Variants in RBFOX3 observed in about 807,000 individuals in gnomAD.
RBFOX3 encodes the protein RNA binding protein fox-1 homolog 3.
In RBFOX3, 17 loss-of-function variants were observed where a neutral mutation model predicts 48.7. That is an observed-to-expected ratio of 0.35 (90% CI 0.24 to 0.52). The LOEUF (loss-of-function observed/expected upper bound fraction) is 0.52, where lower values mean the gene tolerates loss of function less well. RBFOX3 is among the 20% of genes least tolerant of loss of function. RBFOX3 has a pLI of 0.94. For missense variants in RBFOX3, 382 were observed against 497.5 expected (o/e 0.77, Z 2.21); for synonymous variants, 212 against 209.5 (o/e 1.01, Z -0.10).
intron 2 of RBFOX3, among the ~76,000 whole-genome samples, chr17:79,352,722 G>C (rs1035103414): frequency 1.3e-5 from 2 of 152,190 alleles, no homozygotes; most frequent in Non-Finnish European, 2.9e-5. Flanking sequence ...GCAAAGAATG[G>C]TGCACAATGA....
At chr17:79,403,035 G>A (rs554130969) in intron 2 of RBFOX3, among the ~76,000 whole-genome samples, 2 of 152,268 alleles carry the variant, frequency 1.3e-5, no homozygotes, top group Admixed American at 6.5e-5. Context: ...CCTCCCACCA[G>A]GCACACTAAC....
chr17:79,560,089 T>C (rs2092109280), intron 1 of RBFOX3, among the ~76,000 whole-genome samples: 1 of 151,414 alleles, frequency 6.6e-6, no homozygotes, highest in Non-Finnish European at 1.5e-5. Context: ...GGATGGATCT[T>C]GTGACACCCC....
At position 79,111,121 on chromosome 17, in the gene RBFOX3, G is replaced by A. The variant is rs1172256577; in HGVS notation, c.223-4333C>T. 6.6e-6 allele frequency among the ~76,000 whole-genome samples: 1 copy of A among 152,234 alleles called. No homozygotes were observed. Among genetic ancestry groups the A allele is most frequent in the Non-Finnish European group, 1.5e-5 (1 of 68,044 alleles). ...GGAGTTTCCGAGGAGGCTCAGGCCC[G>A]ACGGACAGCAGAAAGGACAGAGGTT... On this transcript the variant is annotated intron_variant, in intron 5 of 14. Transcript: ENST00000693108. The surrounding 1 kb of genome is among the most constrained non-coding windows in gnomAD (Gnocchi z 4.2).
intron 14 of RBFOX3, chr17:79,092,647 A>C: frequency 1.0e-6 from 1 of 987,596 alleles, no homozygotes; most frequent in Non-Finnish European, 1.2e-6. Context: ...CTAGCCTGCA[A>C]CATCAAAGAT....
At chr17:79,657,198 C>T in the RBFOX3 span, among the ~76,000 whole-genome samples, 2 of 152,196 alleles carry the variant, frequency 1.3e-5, no homozygotes, top group African/African-American at 4.8e-5. Flanking sequence ...GAAGCAGCCA[C>T]ACGGCAAATG....
At chr17:79,413,150 C>T (rs1472698152) in intron 2 of RBFOX3, among the ~76,000 whole-genome samples, 1 of 152,184 alleles carries the variant, frequency 6.6e-6, no homozygotes, top group Non-Finnish European at 1.5e-5. Context: ...TTCTGAAATG[C>T]AAGAGAGACC....
intron 1 of RBFOX3, among the ~76,000 whole-genome samples, chr17:79,575,623 GTCAC>G (rs1426251079): frequency 1.3e-5 from 2 of 152,230 alleles, no homozygotes; most frequent in Non-Finnish European, 2.9e-5. Flanking sequence ...TTAAGTCCCT[GTCAC>G]TCACCCTTTG....
chr17:79,097,782 CCCGA>C, intron 9 of RBFOX3, 37 bp from the exon 10 acceptor site: 1 of 1,547,818 alleles, frequency 6.5e-7, no homozygotes, highest in East Asian at 2.4e-5. Flanking sequence ...CACTGCCTTC[CCCGA>C]CCCTTTTCCC....
chr17:79,664,153 CACA>C, the RBFOX3 span, among the ~76,000 whole-genome samples: 2 of 149,112 alleles, frequency 1.3e-5, no homozygotes, highest in Non-Finnish European at 3.0e-5. Context: ...TGTGGTAAAA[CACA>C]ACGTTAAATT....
chr17:79,346,453 T>G (rs914347925), intron 2 of RBFOX3, among the ~76,000 whole-genome samples: 1 of 152,200 alleles, frequency 6.6e-6, no homozygotes, highest in Non-Finnish European at 1.5e-5. Context: ...ATCCTGGGAA[T>G]TGATTAATTG....
intron 4 of RBFOX3, among the ~76,000 whole-genome samples, chr17:79,181,308 T>C (rs7225653): frequency 0.21 from 32,403 of 152,218 alleles, 3,612 homozygotes; most frequent in South Asian, 0.32. Flanking sequence ...ATTCCTGCCA[T>C]GCCTGGGTGG....
At position 79,345,961 on chromosome 17, in the gene RBFOX3, C is replaced by T. The variant is rs191763773; in HGVS notation, c.-174-38137G>A. Among the ~76,000 whole-genome samples, 118 of 152,222 alleles carry T rather than the reference C, an allele frequency of 7.8e-4. 1 individual carries two copies. Among genetic ancestry groups the T allele is most frequent in the African/African-American group, 2.7e-3 (113 of 41,522 alleles). The stretch of plus-strand genomic sequence containing the variant: ...TGTTTTTTTGAGATGGAGTCTTTCA[C>T]CCAGGCTGGAATGCAGTGGTGTGAT... On this transcript the variant is annotated intron_variant, in intron 2 of 14. Transcript: ENST00000693108.
intron 4 of RBFOX3, among the ~76,000 whole-genome samples, chr17:79,148,219 T>C (rs981565099): frequency 6.6e-6 from 1 of 152,230 alleles, no homozygotes; most frequent in Non-Finnish European, 1.5e-5. Flanking sequence ...TCCATTCTGG[T>C]TGGAGGACTG....
intron 2 of RBFOX3, among the ~76,000 whole-genome samples, chr17:79,401,541 A>G (rs1450177012): frequency 6.6e-6 from 1 of 152,188 alleles, no homozygotes; most frequent in Non-Finnish European, 1.5e-5. Flanking sequence ...CCCTGCCTTC[A>G]GTGCAGAGGG....
At chr17:79,625,050 C>T in the RBFOX3 span, among the ~76,000 whole-genome samples, 145 of 152,138 alleles carry the variant, frequency 9.5e-4, no homozygotes, top group East Asian at 3.7e-3. Context: ...ACAGTTTATG[C>T]GCTATGACAT....
chr17:79,284,814 A>G (rs2071481725), intron 3 of RBFOX3, among the ~76,000 whole-genome samples: 2 of 152,140 alleles, frequency 1.3e-5, no homozygotes, highest in African/African-American at 4.8e-5. Flanking sequence ...TGCTGGGATT[A>G]CAGGGGTGAG....
chr17:79,225,075 C>A (rs1482350699), intron 4 of RBFOX3, among the ~76,000 whole-genome samples: 1 of 152,158 alleles, frequency 6.6e-6, no homozygotes, highest in Non-Finnish European at 1.5e-5. Context: ...TGCCCTTTGA[C>A]CATTCACACA....
rs1242174313 is a variant in RBFOX3 at position 79,476,529 on chromosome 17, T to C, written c.-175+5925A>G. Among the ~76,000 whole-genome samples the C allele has an allele frequency of 1.1e-4, 16 of 152,034 alleles. No homozygotes were observed. In the East Asian group the frequency reaches 2.3e-3, roughly 22 times the overall value. On this transcript the variant is annotated intron_variant, in intron 2 of 14. Transcript: ENST00000693108. ...GTGACATCTGTCTAGAGACAAAGAGTTCTTGGAGGCAAACCCCACGCCAGT... is the reference window on the plus strand; with the variant it reads ...GTGACATCTGTCTAGAGACAAAGAGCTCTTGGAGGCAAACCCCACGCCAGT...
chr17:79,149,939 G>T (rs1299882483), intron 4 of RBFOX3, among the ~76,000 whole-genome samples: 2 of 134,370 alleles, frequency 1.5e-5, no homozygotes, highest in Non-Finnish European at 3.2e-5. Context: ...GAGGACTCAG[G>T]CTAAGTGCCA....
Sources: allele counts gnomAD v4.1 joint callset (sites outside exome capture counted in the v4.1 genomes callset), GRCh38; gene constraint gnomAD v4.1.1; non-coding constraint Gnocchi (gnomAD v3.1); transcripts MANE v1.5; gene names NCBI Gene and HGNC (gene_info 2026-07-23, HGNC 2026-07-21).